Variants in IQCM observed in about 807,000 individuals in gnomAD.
IQCM encodes IQ domain-containing protein M.
A neutral mutation model predicts 57.6 loss-of-function variants in IQCM; 45 were observed. That is an observed-to-expected ratio of 0.78 (90% CI 0.62 to 1.00). IQCM has a LOEUF of 1.00. IQCM is among the 50% of genes least tolerant of loss of function. The pLI is 0.00. For missense variants in IQCM, 468 were observed against 511.6 expected (o/e 0.91, Z 0.82); for synonymous variants, 148 against 158.9 (o/e 0.93, Z 0.51).
Position 149,352,185 on chromosome 4 carries a change from A to G in IQCM, c.1391-119T>C, listed in dbSNP as rs957696040. ...TAATTATGGTTGTGTTAGAACATGCAAAAGACTGGACTTGGGCTCATTTCC... is the reference window on the plus strand; with the variant it reads ...TAATTATGGTTGTGTTAGAACATGCGAAAGACTGGACTTGGGCTCATTTCC... On this transcript the variant is annotated intron_variant, in intron 13 of 13. Coordinates refer to ENST00000636793, the MANE Select transcript of IQCM (RefSeq NM_001363507.2). 9 of 393,724 alleles carry G rather than the reference A, an allele frequency of 2.3e-5. No individual in the cohort carries two copies. In the Admixed American group the frequency reaches 2.7e-4, roughly 12 times the overall value. The allele number at this position is 393,724 out of a possible 1,614,324, so 24.4% of individuals were successfully genotyped here.
At chr4:149,581,380 A>G (rs990179500) in intron 9 of IQCM, among the ~76,000 whole-genome samples, 8 of 151,300 alleles carry the variant, frequency 5.3e-5, no homozygotes, top group African/African-American at 1.9e-4. Context: ...TACCTCCCTC[A>G]TTGTAGTTAT....
chr4:149,513,795 T>C (rs964241990), intron 12 of IQCM, among the ~76,000 whole-genome samples: 4 of 152,048 alleles, frequency 2.6e-5, no homozygotes, highest in Admixed American at 1.3e-4. Flanking sequence ...AAAGGGAACA[T>C]TGGTTGTTGA....
intron 6 of IQCM, among the ~76,000 whole-genome samples, chr4:149,682,675 A>G (rs555383824): frequency 6.6e-6 from 1 of 151,360 alleles, no homozygotes; most frequent in African/African-American, 2.4e-5. Context: ...CTGATATTTT[A>G]GTAATAATTG....
intron 13 of IQCM, among the ~76,000 whole-genome samples, chr4:149,411,186 T>A (rs947773936): frequency 2.0e-5 from 3 of 152,150 alleles, no homozygotes; most frequent in African/African-American, 7.2e-5. Flanking sequence ...TCACTTTCAA[T>A]AGTATTTAGC....
At chr4:149,504,898 CAG>C (rs369334100) in intron 12 of IQCM, among the ~76,000 whole-genome samples, 18 of 149,986 alleles carry the variant, frequency 1.2e-4, no homozygotes, top group African/African-American at 1.5e-4. Flanking sequence ...CTCAAAACAA[CAG>C]AGAGAGAGAG....
At chr4:149,446,126 T>A (rs1579083078) in intron 12 of IQCM, among the ~76,000 whole-genome samples, 1 of 151,838 alleles carries the variant, frequency 6.6e-6, no homozygotes, top group South Asian at 2.1e-4. Context: ...ACTGTCATGT[T>A]ACTGACTTAA....
intron 12 of IQCM, among the ~76,000 whole-genome samples, chr4:149,455,978 A>G (rs912170953): frequency 2.0e-5 from 3 of 151,976 alleles, no homozygotes; most frequent in African/African-American, 7.2e-5. Flanking sequence ...TTGTGTCTTA[A>G]AAAATAAAAA....
At chr4:149,507,684 A>G (rs949478811) in intron 12 of IQCM, among the ~76,000 whole-genome samples, 1 of 152,200 alleles carries the variant, frequency 6.6e-6, no homozygotes, top group Non-Finnish European at 1.5e-5. Flanking sequence ...AGCAGAGCAT[A>G]AAAGTTTGGG....
chr4:149,727,852 A>T (rs1391185231), intron 5 of IQCM, among the ~76,000 whole-genome samples: 1 of 152,214 alleles, frequency 6.6e-6, no homozygotes, highest in Non-Finnish European at 1.5e-5. Context: ...AGTGTTTGAC[A>T]CGGCCTGCAT....
chr4:149,751,957 G>C (rs1768489711), intron 2 of IQCM, among the ~76,000 whole-genome samples: 1 of 152,068 alleles, frequency 6.6e-6, no homozygotes, highest in South Asian at 2.1e-4. Flanking sequence ...GATATGCATG[G>C]AAGGACTTAG....
At chr4:149,500,809 T>C (rs1743161778) in intron 12 of IQCM, among the ~76,000 whole-genome samples, 1 of 152,144 alleles carries the variant, frequency 6.6e-6, no homozygotes, top group East Asian at 1.9e-4. Context: ...ATTAGAAGAA[T>C]AGATGAATAG....
chr4:149,778,905 TAC>T (rs1334648401), intron 2 of IQCM, among the ~76,000 whole-genome samples: 1 of 152,162 alleles, frequency 6.6e-6, no homozygotes, highest in African/African-American at 2.4e-5. Context: ...CTGTAAATAC[TAC>T]CACATTATTA....
chr4:149,412,789 T>G (rs2111181360), intron 13 of IQCM, among the ~76,000 whole-genome samples: 1 of 152,258 alleles, frequency 6.6e-6, no homozygotes, highest in African/African-American at 2.4e-5. Flanking sequence ...GGTGTCATGT[T>G]TTAGATTTAG....
At chr4:149,480,205 G>A (rs1390586319) in intron 12 of IQCM, among the ~76,000 whole-genome samples, 1 of 152,012 alleles carries the variant, frequency 6.6e-6, no homozygotes, top group African/African-American at 2.4e-5. Context: ...CACAGTAGGT[G>A]TATATATTTA....
chr4:149,628,507 C>T (rs1756997473), intron 7 of IQCM, among the ~76,000 whole-genome samples: 1 of 151,930 alleles, frequency 6.6e-6, no homozygotes, highest in Non-Finnish European at 1.5e-5. Flanking sequence ...AGAAGAAAAG[C>T]ATCAAAGATG....
intron 12 of IQCM, among the ~76,000 whole-genome samples, chr4:149,543,700 T>A (rs1405901607): frequency 6.6e-6 from 1 of 151,814 alleles, no homozygotes; most frequent in Non-Finnish European, 1.5e-5. Context: ...ACCTGCACAT[T>A]GTGCACAGGT....
chr4:149,419,355 G>T (rs1479457856), intron 13 of IQCM, among the ~76,000 whole-genome samples: 2 of 152,018 alleles, frequency 1.3e-5, no homozygotes, highest in African/African-American at 2.4e-5. Context: ...ACAACCATCT[G>T]GTCCTTGACA....
chr4:149,795,809 T>G (rs533412870), intron 2 of IQCM, among the ~76,000 whole-genome samples: 104 of 152,248 alleles, frequency 6.8e-4, no homozygotes, highest in Middle Eastern at 3.4e-3. Flanking sequence ...ATGACACTTC[T>G]AGAAACACCC....
intron 12 of IQCM, among the ~76,000 whole-genome samples, chr4:149,486,205 CA>C (rs1485413344): frequency 6.6e-6 from 1 of 152,082 alleles, no homozygotes; most frequent in Non-Finnish European, 1.5e-5. Flanking sequence ...CTCTTCAGGG[CA>C]TCAAGTTCTT....
Sources: gnomAD v4.1 joint callset for allele counts (sites outside exome capture counted in the v4.1 genomes callset) on GRCh38, gnomAD v4.1.1 for gene constraint, MANE v1.5 for transcripts, NCBI Gene and HGNC (gene_info 2026-07-23, HGNC 2026-07-21) for gene names.